Variants in SUGCT observed in about 807,000 individuals in gnomAD.
SUGCT encodes the protein succinyl-CoA:glutarate CoA-transferase.
SUGCT carries 41 observed loss-of-function variants against 55.0 expected under a neutral mutation model. The ratio of observed to expected loss-of-function variants is 0.74; its 90% CI spans 0.58 to 0.97. SUGCT has a LOEUF of 0.97. Ranked by LOEUF, SUGCT falls within the 50% of genes least tolerant of loss-of-function variation. The pLI, the probability that SUGCT is intolerant of heterozygous loss-of-function variation, is 0.00. For synonymous variants in SUGCT, 187 were observed against 200.4 expected (o/e 0.93, Z 0.56); for missense variants, 568 against 547.8 (o/e 1.04, Z -0.37).
the SUGCT span, among the ~76,000 whole-genome samples, chr7:40,956,260 G>T: frequency 1.3e-5 from 2 of 151,642 alleles, no homozygotes; most frequent in Non-Finnish European, 2.9e-5. Context: ...CTGGTCTTTG[G>T]TTTTTTTTGG....
At chr7:40,309,545 T>G (rs1032131619) in intron 8 of SUGCT, among the ~76,000 whole-genome samples, 8 of 152,174 alleles carry the variant, frequency 5.3e-5, no homozygotes, top group African/African-American at 1.7e-4. Flanking sequence ...TCCACCTGCC[T>G]TGGCCTCCAA....
chr7:40,840,142 T>C (rs1005524357), intron 13 of SUGCT, among the ~76,000 whole-genome samples: 1 of 152,282 alleles, frequency 6.6e-6, no homozygotes, highest in East Asian at 1.9e-4. Context: ...AGCCTGGCCT[T>C]ACACATACTA....
chr7:40,149,350 G>T (rs1174565388), intron 1 of SUGCT, among the ~76,000 whole-genome samples: 3 of 152,176 alleles, frequency 2.0e-5, no homozygotes, highest in Non-Finnish European at 4.4e-5. Context: ...ATTCCTGGGT[G>T]TAGGCTGAAC....
At chr7:40,139,694 G>A (rs919964986) in intron 1 of SUGCT, among the ~76,000 whole-genome samples, 26 of 152,130 alleles carry the variant, frequency 1.7e-4, no homozygotes, top group Admixed American at 3.3e-4. Flanking sequence ...CGTTCACTCT[G>A]TTGATCATTT....
At chr7:40,406,732 G>A (rs1189725632) in intron 9 of SUGCT, among the ~76,000 whole-genome samples, 2 of 152,194 alleles carry the variant, frequency 1.3e-5, no homozygotes, top group African/African-American at 2.4e-5. Context: ...TCATAAGAAT[G>A]TATCTCAGGG....
At chr7:40,740,873 A>G (rs1186551321) in intron 12 of SUGCT, among the ~76,000 whole-genome samples, 1 of 152,212 alleles carries the variant, frequency 6.6e-6, no homozygotes, top group Non-Finnish European at 1.5e-5. Flanking sequence ...GAAATTAAGA[A>G]CTTTTGGTCA....
At chr7:40,923,166 G>C in the SUGCT span, among the ~76,000 whole-genome samples, 7,722 of 152,226 alleles carry the variant, frequency 0.051, 281 homozygotes, top group East Asian at 0.16. Flanking sequence ...GTTTTGTCCT[G>C]GGTGTGCACC....
At chr7:40,444,215 T>C (rs1363024439) in intron 9 of SUGCT, among the ~76,000 whole-genome samples, 2 of 152,244 alleles carry the variant, frequency 1.3e-5, no homozygotes, top group Non-Finnish European at 2.9e-5. Context: ...GGCTCTTTTT[T>C]GGTTCCATAT....
intron 1 of SUGCT, among the ~76,000 whole-genome samples, chr7:40,173,166 C>T (rs549098502): frequency 6.6e-6 from 1 of 152,298 alleles, no homozygotes; most frequent in East Asian, 1.9e-4. Context: ...CTGTTAGAAG[C>T]CGTGGGTCAC....
intron 12 of SUGCT, among the ~76,000 whole-genome samples, chr7:40,676,931 GTGT>G (rs1300040233): frequency 2.7e-5 from 4 of 150,536 alleles, no homozygotes; most frequent in Admixed American, 1.3e-4. Flanking sequence ...GTGTGTGTGT[GTGT>G]GGTGTATAAA....
At chr7:40,458,679 G>C (rs973481137) in intron 10 of SUGCT, among the ~76,000 whole-genome samples, 1 of 152,108 alleles carries the variant, frequency 6.6e-6, no homozygotes, top group African/African-American at 2.4e-5. Context: ...CATGTTGACT[G>C]TATACAAGAT....
At chr7:40,190,065 C>G (rs1785797586) in intron 5 of SUGCT, among the ~76,000 whole-genome samples, 1 of 152,112 alleles carries the variant, frequency 6.6e-6, no homozygotes, top group Admixed American at 6.6e-5. Flanking sequence ...CCAATATATC[C>G]AGACCTGATC....
At chr7:40,323,661 A>G (rs112350261) in intron 9 of SUGCT, among the ~76,000 whole-genome samples, 6 of 152,218 alleles carry the variant, frequency 3.9e-5, no homozygotes, top group African/African-American at 9.6e-5. Flanking sequence ...CCAAAGTGCT[A>G]AGATTACAGC....
chr7:40,567,044 A>T (rs1176575887), intron 12 of SUGCT, among the ~76,000 whole-genome samples: 1 of 152,242 alleles, frequency 6.6e-6, no homozygotes, highest in Non-Finnish European at 1.5e-5. Context: ...TCACGAAAGG[A>T]AACACACAAT....
At chr7:40,866,765 A>C in the SUGCT span, among the ~76,000 whole-genome samples, 2 of 152,044 alleles carry the variant, frequency 1.3e-5, no homozygotes, top group Non-Finnish European at 2.9e-5. Flanking sequence ...ACTCCAGTGA[A>C]AGGATGTAAG....
At chr7:40,410,362 A>G (rs909528406) in intron 9 of SUGCT, among the ~76,000 whole-genome samples, 19 of 152,134 alleles carry the variant, frequency 1.2e-4, no homozygotes, top group African/African-American at 3.9e-4. Flanking sequence ...TTGACCATAA[A>G]TGAAGGCAAT....
At chr7:40,518,350 G>A (rs1793356457) in intron 12 of SUGCT, among the ~76,000 whole-genome samples, 3 of 152,036 alleles carry the variant, frequency 2.0e-5, no homozygotes, top group Admixed American at 2.0e-4. Context: ...AAATGGGTAT[G>A]GGCTAACAGT....
chr7:40,631,149 G>A (rs1799770508), intron 12 of SUGCT, among the ~76,000 whole-genome samples: 1 of 152,180 alleles, frequency 6.6e-6, no homozygotes, highest in South Asian at 2.1e-4. Context: ...ATGAAAACAG[G>A]AGAGAGTATT....
chr7:40,452,406 T>C (rs1456462907), intron 10 of SUGCT, among the ~76,000 whole-genome samples: 1 of 152,182 alleles, frequency 6.6e-6, no homozygotes, highest in East Asian at 1.9e-4. Context: ...TGGTTCTCAA[T>C]GTAGTATGCA....
Sources: gnomAD v4.1 joint callset for allele counts (sites outside exome capture counted in the v4.1 genomes callset) on GRCh38, gnomAD v4.1.1 for gene constraint, MANE v1.5 for transcripts, NCBI Gene and HGNC (gene_info 2026-07-23, HGNC 2026-07-21) for gene names.